GALNT13: variants seen among roughly 807,000 people sequenced by gnomAD.
The protein encoded by GALNT13 is polypeptide N-acetylgalactosaminyltransferase 13.
In GALNT13, 28 loss-of-function variants were observed where a neutral mutation model predicts 64.2. The observed-to-expected ratio is 0.44, with a 90% CI of 0.32 to 0.60. GALNT13 has a LOEUF of 0.60. Ranked by LOEUF, GALNT13 falls within the 20% of genes least tolerant of loss-of-function variation. The pLI, the probability that GALNT13 is intolerant of heterozygous loss-of-function variation, is 0.05. For missense variants in GALNT13, 577 were observed against 669.8 expected, an observed-to-expected ratio of 0.86 and a Z score of 1.53; for synonymous variants, 214 against 224.6, an observed-to-expected ratio of 0.95 and a Z score of 0.42.
At chr2:153,077,978 C>T in the GALNT13 span, among the ~76,000 whole-genome samples, 1 of 152,214 alleles carries the variant, frequency 6.6e-6, no homozygotes. Context: ...TTGTTCCAGT[C>T]TGGTTTTGTA....
intron 3 of GALNT13, among the ~76,000 whole-genome samples, chr2:154,115,246 T>TA (rs1703221487): frequency 6.6e-6 from 1 of 152,208 alleles, no homozygotes. Context: ...AATCCATATT[T>TA]TAGCTAACTA....
intron 2 of GALNT13, among the ~76,000 whole-genome samples, chr2:153,942,651 C>G (rs1193796631): frequency 6.6e-6 from 1 of 151,358 alleles, no homozygotes; most frequent in East Asian, 2.0e-4. Context: ...AAAAAAACCC[C>G]AAATGTCATG....
At chr2:153,116,794 CTTTTTTTT>C in the GALNT13 span, among the ~76,000 whole-genome samples, 4 of 82,466 alleles carry the variant, frequency 4.9e-5, no homozygotes, top group Admixed American at 1.9e-4. Flanking sequence ...GTGTTGTCTT[CTTTTTTTT>C]TTTTTTTTTT....
the GALNT13 span, among the ~76,000 whole-genome samples, chr2:153,345,978 G>GTTTGTTTT: frequency 6.6e-6 from 1 of 151,568 alleles, no homozygotes. Flanking sequence ...TTGTTTGTTT[G>GTTTGTTTT]TATGTTTGTT....
the GALNT13 span, among the ~76,000 whole-genome samples, chr2:153,630,807 ATT>A: frequency 0.018 from 401 of 21,876 alleles, 4 homozygotes; most frequent in South Asian, 0.029. Context: ...ATATATATAT[ATT>A]TTTTTTTTTT....
chr2:153,342,870 G>A, the GALNT13 span, among the ~76,000 whole-genome samples: 2 of 152,130 alleles, frequency 1.3e-5, no homozygotes, highest in South Asian at 2.1e-4. Flanking sequence ...ATTACACATA[G>A]AAGACTGTAA....
At chr2:154,192,847 C>G (rs1412159948) in intron 4 of GALNT13, among the ~76,000 whole-genome samples, 1 of 152,188 alleles carries the variant, frequency 6.6e-6, no homozygotes, top group Non-Finnish European at 1.5e-5. Context: ...AATCTCTTTG[C>G]TGTCAAGAGC....
At chr2:153,430,336 T>C in the GALNT13 span, among the ~76,000 whole-genome samples, 1 of 152,170 alleles carries the variant, frequency 6.6e-6, no homozygotes, top group African/African-American at 2.4e-5. Flanking sequence ...GTTGTGAGTT[T>C]TTATGATACC....
chr2:154,346,136 G>C (rs1442994924), intron 9 of GALNT13, among the ~76,000 whole-genome samples: 1 of 151,682 alleles, frequency 6.6e-6, no homozygotes, highest in Non-Finnish European at 1.5e-5. Flanking sequence ...ATTTAACCTT[G>C]CTCAGTTTTA....
At chr2:153,355,105 G>A in the GALNT13 span, among the ~76,000 whole-genome samples, 358 of 152,246 alleles carry the variant, frequency 2.4e-3, no homozygotes, top group African/African-American at 8.3e-3. Flanking sequence ...AAAATATCAC[G>A]TTATTCAATA....
chr2:154,183,356 T>C (rs1288259928), intron 4 of GALNT13, among the ~76,000 whole-genome samples: 1 of 152,070 alleles, frequency 6.6e-6, no homozygotes, highest in Non-Finnish European at 1.5e-5. Context: ...ACTTGTGGAC[T>C]CTCTTTCATT....
intron 9 of GALNT13, among the ~76,000 whole-genome samples, chr2:154,324,062 G>A (rs1694755241): frequency 6.6e-6 from 1 of 151,792 alleles, no homozygotes; most frequent in Non-Finnish European, 1.5e-5. Context: ...ATATAGCAAG[G>A]TCAACATTTA....
rs561472164 is a variant in GALNT13, at chr2:154,041,729, T to A, written c.142+97090T>A. Among the ~76,000 whole-genome samples, 36 of 140,934 alleles carry A rather than the reference T, an allele frequency of 2.6e-4. 6 individuals are homozygous for A. Among genetic ancestry groups the A allele is most frequent in the Admixed American group, 7.1e-4 (10 of 14,066 alleles). 92.5% of individuals were successfully genotyped at this position (140,934 alleles called of 152,430 possible). On this transcript the variant is annotated intron_variant, in intron 3 of 12. Transcript: ENST00000392825. ...TATGAAGTATAATTTGTATTTACTTTCTTCAAATATGGGAATCTCTAATGT... is the reference window on the plus strand; with the variant it reads ...TATGAAGTATAATTTGTATTTACTTACTTCAAATATGGGAATCTCTAATGT...
the GALNT13 span, among the ~76,000 whole-genome samples, chr2:153,272,920 G>A: frequency 6.6e-6 from 1 of 152,186 alleles, no homozygotes; most frequent in African/African-American, 2.4e-5. Context: ...TATACACCAT[G>A]GAATACTATG....
At chr2:153,645,178 G>A in the GALNT13 span, among the ~76,000 whole-genome samples, 1 of 152,062 alleles carries the variant, frequency 6.6e-6, no homozygotes, top group Admixed American at 6.6e-5. Flanking sequence ...AAAAATACGC[G>A]CTTCATGGCA....
At chr2:154,149,394 T>A (rs1388338647) in intron 4 of GALNT13, among the ~76,000 whole-genome samples, 1 of 152,282 alleles carries the variant, frequency 6.6e-6, no homozygotes, top group Admixed American at 6.5e-5. Flanking sequence ...TGGCTTAGGA[T>A]TGACTTGGTG....
At chr2:153,424,719 C>A in the GALNT13 span, among the ~76,000 whole-genome samples, 2 of 151,786 alleles carry the variant, frequency 1.3e-5, no homozygotes, top group Non-Finnish European at 3.0e-5. Context: ...ACTTGTCATA[C>A]ATAATAAAAC....
chr2:153,789,795 T>C, the GALNT13 span, among the ~76,000 whole-genome samples: 7 of 152,252 alleles, frequency 4.6e-5, no homozygotes, highest in Admixed American at 3.9e-4. Context: ...TATAGGCTGA[T>C]ATGAACACCT....
At chr2:153,129,870 A>G in the GALNT13 span, among the ~76,000 whole-genome samples, 2 of 152,180 alleles carry the variant, frequency 1.3e-5, no homozygotes, top group South Asian at 4.1e-4. Context: ...GACTTGCTCT[A>G]TAGAATAAAG....
Sources: allele counts gnomAD v4.1 joint callset (sites outside exome capture counted in the v4.1 genomes callset), GRCh38; gene constraint gnomAD v4.1.1; transcripts MANE v1.5; gene names NCBI Gene and HGNC (gene_info 2026-07-23, HGNC 2026-07-21).